The following TCERG1L variants were observed in gnomAD, a reference collection of about 807,000 sequenced individuals.
TCERG1L encodes the protein transcription elongation regulator 1 like, also known as transcription elongation regulator 1-like protein.
Under a neutral mutation model 56.3 loss-of-function variants are expected in TCERG1L, and 37 were observed. The observed-to-expected ratio is 0.66, with a 90% CI of 0.51 to 0.87. The LOEUF (loss-of-function observed/expected upper bound fraction) is 0.87. Among genes scored for constraint, TCERG1L ranks in the 40% least tolerant of loss-of-function variants. The pLI is 0.00. For missense variants in TCERG1L, 799 were observed against 774.2 expected, an observed-to-expected ratio of 1.03 and a Z score of -0.38; for synonymous variants, 324 against 326.3, an observed-to-expected ratio of 0.99 and a Z score of 0.08.
At chr10:131,183,418 G>A (rs183821152) in intron 4 of TCERG1L, among the ~76,000 whole-genome samples, 7 of 152,122 alleles carry the variant, frequency 4.6e-5, no homozygotes, top group Admixed American at 3.3e-4. Flanking sequence ...TTTCTATTGA[G>A]CTACCTATCA....
chr10:131,101,864 C>T (rs112220161), intron 10 of TCERG1L, among the ~76,000 whole-genome samples: 5,525 of 152,154 alleles, frequency 0.036, 135 homozygotes, highest in African/African-American at 0.075. Flanking sequence ...TTACACTTGG[C>T]TAATTTTTGG....
chr10:131,265,482 T>C (rs1052511749), intron 3 of TCERG1L, among the ~76,000 whole-genome samples: 1 of 152,204 alleles, frequency 6.6e-6, no homozygotes, highest in Non-Finnish European at 1.5e-5. Flanking sequence ...ATAAAACTTC[T>C]GCCCAGCTCC....
In TCERG1L at chr10:131,155,507, G is replaced by A. The variant is rs533288744; in HGVS notation, c.1034+7615C>T. 7.7e-4 allele frequency among the ~76,000 whole-genome samples: 117 copies of A among 152,322 alleles called. 1 individual carries two copies. The highest frequency in any genetic ancestry group is 2.2e-3 in the African/African-American group (90 of 41,582). On this transcript the variant is annotated intron_variant, in intron 6 of 11. Coordinates refer to ENST00000368642, the MANE Select transcript of TCERG1L (RefSeq NM_174937.4). Reference sequence around the variant, plus strand: ...ACACAGGTTCAGCCAGGCTCCACCCGGGCTGGGGGCTGCCGGGAGAGCCTG... The same window carrying A: ...ACACAGGTTCAGCCAGGCTCCACCCAGGCTGGGGGCTGCCGGGAGAGCCTG...
chr10:131,239,943 G>C (rs2133519618), intron 4 of TCERG1L, among the ~76,000 whole-genome samples: 1 of 152,282 alleles, frequency 6.6e-6, no homozygotes, highest in South Asian at 2.1e-4. Context: ...GTCCTTCTGG[G>C]GAGCCACTTT....
intron 11 of TCERG1L, among the ~76,000 whole-genome samples, chr10:131,096,653 C>A (rs1845250074): frequency 6.6e-6 from 1 of 152,164 alleles, no homozygotes; most frequent in African/African-American, 2.4e-5. Flanking sequence ...GTAATCCCAG[C>A]ACTTTGGGAG....
intron 3 of TCERG1L, among the ~76,000 whole-genome samples, chr10:131,285,739 C>G (rs768884171): frequency 1.3e-5 from 2 of 152,020 alleles, no homozygotes; most frequent in Admixed American, 6.6e-5. Flanking sequence ...AACATTATAA[C>G]AGTTTAAAAT....
chr10:131,144,063 C>A (rs1050118249), intron 7 of TCERG1L, among the ~76,000 whole-genome samples: 2 of 151,070 alleles, frequency 1.3e-5, no homozygotes, highest in Admixed American at 6.6e-5. Flanking sequence ...TGAAGACACA[C>A]GCACACGCAG....
chr10:131,179,767 G>A (rs760988462), intron 4 of TCERG1L, among the ~76,000 whole-genome samples: 2 of 152,162 alleles, frequency 1.3e-5, no homozygotes, highest in East Asian at 3.9e-4. Context: ...AGCTGCATGC[G>A]TCGCTGACGG....
At chr10:131,276,590 T>C (rs1007601019) in intron 3 of TCERG1L, among the ~76,000 whole-genome samples, 4 of 152,230 alleles carry the variant, frequency 2.6e-5, no homozygotes, top group African/African-American at 9.6e-5. Flanking sequence ...TGGAGATGCA[T>C]TTAGACAGCG....
chr10:131,242,504 T>C (rs1356172433), intron 4 of TCERG1L, among the ~76,000 whole-genome samples: 4 of 152,192 alleles, frequency 2.6e-5, no homozygotes, highest in Non-Finnish European at 4.4e-5. Context: ...ACTCTGATAC[T>C]AAATCACGGC....
At chr10:131,271,190 G>A (rs1846336992) in intron 3 of TCERG1L, among the ~76,000 whole-genome samples, 1 of 152,158 alleles carries the variant, frequency 6.6e-6, no homozygotes, top group African/African-American at 2.4e-5. Context: ...CCAACCAGCA[G>A]CTGGATTTGG....
At position 131,163,197 on chromosome 10, in the gene TCERG1L, A is replaced by G; in HGVS notation, c.959T>C (p.Met320Thr). ...TGTGCTGTCCTCTCCTCCCCCCAGC[A>G]TCGGTGGAGGCTCCTTTCAACAGAA... Reference protein sequence around the residue: ...GDKEDKEPPPMLGGGEDSTAR... With the variant: ...GDKEDKEPPPTLGGGEDSTAR... Residue 320 changes from methionine (M) to threonine (T), a missense_variant, in exon 6 of 12, where the codon ATG becomes ACG. Coordinates refer to ENST00000368642, the MANE Select transcript of TCERG1L (RefSeq NM_174937.4). 2 of 1,553,006 alleles carry G rather than the reference A, an allele frequency of 1.3e-6. No homozygotes were observed. The highest frequency in any genetic ancestry group is 1.7e-6 in the Non-Finnish European group (2 of 1,149,146).
intron 4 of TCERG1L, among the ~76,000 whole-genome samples, chr10:131,174,975 C>A (rs80054553): frequency 1.3e-5 from 2 of 152,146 alleles, no homozygotes; most frequent in Non-Finnish European, 2.9e-5. Context: ...TGGGACCCCA[C>A]CCCCGCAATT....
At chr10:131,236,448 T>C (rs1047744944) in intron 4 of TCERG1L, among the ~76,000 whole-genome samples, 3 of 152,216 alleles carry the variant, frequency 2.0e-5, no homozygotes, top group African/African-American at 4.8e-5. Flanking sequence ...ACAAACCGCA[T>C]GATGTGGCCA....
At chr10:131,190,828 T>C (rs1845294062) in intron 4 of TCERG1L, among the ~76,000 whole-genome samples, 1 of 143,854 alleles carries the variant, frequency 7.0e-6, no homozygotes, top group Non-Finnish European at 1.5e-5. Flanking sequence ...TGCCTAGTTT[T>C]GCCACTCTTA....
chr10:131,206,417 C>T (rs989607348), intron 4 of TCERG1L, among the ~76,000 whole-genome samples: 1 of 152,206 alleles, frequency 6.6e-6, no homozygotes, highest in African/African-American at 2.4e-5. Flanking sequence ...GGGAAGAATC[C>T]ACCTGCCTCA....
chr10:131,167,446 G>C (rs2944525), intron 4 of TCERG1L, among the ~76,000 whole-genome samples: 152,094 of 152,376 alleles, frequency 1, 75,909 homozygotes, highest in Non-Finnish European at 1. Context: ...GCCAACCTGC[G>C]CCCTGGACTC....
At chr10:131,153,440 G>A (rs181475076) in intron 6 of TCERG1L, among the ~76,000 whole-genome samples, 1 of 152,186 alleles carries the variant, frequency 6.6e-6, no homozygotes, top group Admixed American at 6.5e-5. Context: ...TGAGACCCTA[G>A]AAACCTGTGT....
intron 4 of TCERG1L, among the ~76,000 whole-genome samples, chr10:131,257,229 G>A (rs1458202433): frequency 6.6e-6 from 1 of 152,044 alleles, no homozygotes; most frequent in Non-Finnish European, 1.5e-5. Flanking sequence ...CCACTGCCTG[G>A]GAGGGGCCAG....
Sources: allele counts gnomAD v4.1 joint callset (sites outside exome capture counted in the v4.1 genomes callset), GRCh38; gene constraint gnomAD v4.1.1; transcripts MANE v1.5; gene names NCBI Gene and HGNC (gene_info 2026-07-23, HGNC 2026-07-21).